DNM3: variants seen among roughly 807,000 people sequenced by gnomAD.
DNM3 encodes the protein dynamin-3.
A neutral mutation model predicts 101.6 loss-of-function variants in DNM3; 47 were observed. That is an observed-to-expected ratio of 0.46 (90% CI 0.37 to 0.59). The LOEUF (loss-of-function observed/expected upper bound fraction) is 0.59. DNM3 is among the 20% of genes least tolerant of loss of function. The pLI is 0.00. For synonymous variants in DNM3, 385 were observed against 387.9 expected (o/e 0.99, Z 0.09); for missense variants, 849 against 1,085.7 (o/e 0.78, Z 3.06).
chr1:172,061,935 T>G (rs1359883819), intron 10 of DNM3, among the ~76,000 whole-genome samples: 3 of 152,200 alleles, frequency 2.0e-5, no homozygotes, highest in African/African-American at 7.2e-5. Context: ...TGTGCTGTGC[T>G]TTGCATGTAA....
chr1:172,004,185 G>A (rs903741495), intron 4 of DNM3, among the ~76,000 whole-genome samples: 7 of 152,120 alleles, frequency 4.6e-5, no homozygotes, highest in African/African-American at 1.7e-4. Flanking sequence ...TGGTTTCAGG[G>A]ATGGGCTTCT....
intron 9 of DNM3, among the ~76,000 whole-genome samples, chr1:172,046,637 C>T (rs147591956): frequency 7.2e-4 from 110 of 152,076 alleles, no homozygotes; most frequent in African/African-American, 2.5e-3. Flanking sequence ...TGGGCAGATA[C>T]GAGTTTACAA....
chr1:172,066,136 G>A (rs956129581), intron 10 of DNM3, among the ~76,000 whole-genome samples: 2 of 152,082 alleles, frequency 1.3e-5, no homozygotes, highest in East Asian at 3.8e-4. Context: ...ACTCAAGAAT[G>A]TTGGTATTTG....
At chr1:172,098,607 A>T (rs1334509702) in intron 13 of DNM3, among the ~76,000 whole-genome samples, 1 of 152,224 alleles carries the variant, frequency 6.6e-6, no homozygotes, top group Non-Finnish European at 1.5e-5. Context: ...AGGAAATCAC[A>T]AGGGTATTGA....
At chr1:172,252,741 C>G (rs1020219772) in intron 14 of DNM3, among the ~76,000 whole-genome samples, 1 of 152,086 alleles carries the variant, frequency 6.6e-6, no homozygotes, top group Non-Finnish European at 1.5e-5. Flanking sequence ...TAATATTGCC[C>G]GTGGGCCAGT....
At chr1:172,173,952 A>C (rs960615763) in intron 14 of DNM3, among the ~76,000 whole-genome samples, 2 of 151,702 alleles carry the variant, frequency 1.3e-5, no homozygotes, top group Non-Finnish European at 2.9e-5. Context: ...CCTAAGAGGA[A>C]TACCAAACTA....
chr1:172,190,261 T>C (rs530767103), intron 14 of DNM3, among the ~76,000 whole-genome samples: 7 of 152,196 alleles, frequency 4.6e-5, no homozygotes, highest in Admixed American at 2.0e-4. Context: ...GAACATGCGG[T>C]GTTTGGTTTT....
chr1:171,848,639 T>G (rs763034625), intron 1 of DNM3, among the ~76,000 whole-genome samples: 16 of 152,180 alleles, frequency 1.1e-4, no homozygotes, highest in Non-Finnish European at 2.4e-4. Context: ...TTAGGTAAAA[T>G]AAAGATGTAT....
intron 14 of DNM3, chr1:172,140,044 C>T (rs971515177): frequency 4.6e-5 from 7 of 151,982 alleles, no homozygotes; most frequent in African/African-American, 1.7e-4. Context: ...TATAATTAGA[C>T]ATTTTCTCAA....
chr1:171,938,946 C>T (rs1405281592), intron 2 of DNM3, among the ~76,000 whole-genome samples: 1 of 152,146 alleles, frequency 6.6e-6, no homozygotes, highest in Non-Finnish European at 1.5e-5. Flanking sequence ...ATAGATTCAA[C>T]TTACCTTTAT....
chr1:172,070,183 C>T (rs1048659563), intron 11 of DNM3, among the ~76,000 whole-genome samples: 3 of 152,192 alleles, frequency 2.0e-5, no homozygotes, highest in Non-Finnish European at 4.4e-5. Flanking sequence ...TCTTGGATAG[C>T]TGCAATAGCC....
chr1:171,868,181 G>A lies in DNM3; in HGVS notation c.161+26364G>A, dbSNP rs189614543. The stretch of plus-strand genomic sequence containing the variant: ...CCATGCTACTAAGAGTATTGGTGGT[G>A]AAGCATTTCTTAAAAGGCTGCTTCT... On this transcript the variant is annotated intron_variant, in intron 1 of 20. Transcript: ENST00000627582. 1.8e-3 allele frequency among the ~76,000 whole-genome samples: 276 copies of A among 152,280 alleles called. 1 individual carries two copies. The highest frequency in any genetic ancestry group is 3.2e-3 in the Non-Finnish European group (221 of 68,022).
At chr1:172,221,975 A>AG (rs1454895008) in intron 14 of DNM3, among the ~76,000 whole-genome samples, 1 of 152,144 alleles carries the variant, frequency 6.6e-6, no homozygotes, top group Non-Finnish European at 1.5e-5. Flanking sequence ...ACAGAGTTCA[A>AG]GTCTTAATCA....
At chr1:172,036,883 C>T (rs1435054700) in intron 6 of DNM3, among the ~76,000 whole-genome samples, 7 of 151,424 alleles carry the variant, frequency 4.6e-5, no homozygotes, top group African/African-American at 7.3e-5. Context: ...AGAAAATTTT[C>T]GCAACCTACT....
At chr1:172,356,539 ACTC>A (rs1231892891) in intron 17 of DNM3, among the ~76,000 whole-genome samples, 2 of 151,670 alleles carry the variant, frequency 1.3e-5, no homozygotes, top group Non-Finnish European at 2.9e-5. Context: ...AGAGCCATAG[ACTC>A]CTCAGAATTT....
At chr1:171,948,489 T>A (rs6660293) in intron 2 of DNM3, among the ~76,000 whole-genome samples, 1 of 152,186 alleles carries the variant, frequency 6.6e-6, no homozygotes, top group Non-Finnish European at 1.5e-5. Context: ...AACTGTCAAA[T>A]GGCCAATGCC....
chr1:172,174,798 T>C (rs2059097542), intron 14 of DNM3, among the ~76,000 whole-genome samples: 1 of 151,726 alleles, frequency 6.6e-6, no homozygotes, highest in South Asian at 2.1e-4. Context: ...GTTTCAGGTT[T>C]ACTCTCTAAC....
At position 172,177,231 on chromosome 1, in the gene DNM3, G is replaced by A. The variant is rs147779776; in HGVS notation, c.1659+45943G>A. Among the ~76,000 whole-genome samples the A allele has an allele frequency of 2.4e-3, 358 of 151,830 alleles. 2 individuals carry two copies. The highest frequency in any genetic ancestry group is 7.8e-3 in the African/African-American group (323 of 41,458). On this transcript the variant is annotated intron_variant, in intron 14 of 20. Coordinates refer to ENST00000627582, the MANE Select transcript of DNM3 (RefSeq NM_015569.5). The stretch of plus-strand genomic sequence containing the variant: ...AGTTACCTGTGGTCAACTGTGGTCC[G>A]AAAATAGGTGAGTGTTGTACAAGAA...
At chr1:171,894,754 A>G (rs1410356268) in intron 1 of DNM3, among the ~76,000 whole-genome samples, 1 of 152,016 alleles carries the variant, frequency 6.6e-6, no homozygotes, top group Non-Finnish European at 1.5e-5. Flanking sequence ...CTCCCCCAGC[A>G]GGCCCTGGTG....
Sources: gnomAD v4.1 joint callset for allele counts (sites outside exome capture counted in the v4.1 genomes callset) on GRCh38, gnomAD v4.1.1 for gene constraint, MANE v1.5 for transcripts, NCBI Gene and HGNC (gene_info 2026-07-23, HGNC 2026-07-21) for gene names.